Variants in MEMO1 observed in about 807,000 individuals in gnomAD.
MEMO1 encodes protein MEMO1.
A neutral mutation model predicts 45.2 loss-of-function variants in MEMO1; 6 were observed. That is an observed-to-expected ratio of 0.13 (90% CI 0.07 to 0.26). The LOEUF is 0.26. Ranked by LOEUF, MEMO1 falls within the 10% of genes least tolerant of loss-of-function variation. The pLI is 1.00. For synonymous variants in MEMO1, 78 were observed against 124.3 expected (o/e 0.63, Z 2.48); for missense variants, 184 against 370.5 (o/e 0.50, Z 4.13).
At chr2:31,958,633 GTGTTT>G (rs754785729) in intron 2 of MEMO1, among the ~76,000 whole-genome samples, 48 of 152,042 alleles carry the variant, frequency 3.2e-4, no homozygotes, top group Admixed American at 9.2e-4. Flanking sequence ...ACTGTGTGTG[GTGTTT>G]TGTTTTGTTT....
At chr2:31,946,924 C>CA (rs1666264892) in intron 2 of MEMO1, among the ~76,000 whole-genome samples, 1 of 152,186 alleles carries the variant, frequency 6.6e-6, no homozygotes. Flanking sequence ...CATTTTGTTA[C>CA]AACTGCCTGT....
intron 2 of MEMO1, among the ~76,000 whole-genome samples, chr2:31,976,225 ACTT>A (rs1669986671): frequency 6.6e-6 from 1 of 152,232 alleles, no homozygotes; most frequent in Non-Finnish European, 1.5e-5. Context: ...AAAAAGCTAA[ACTT>A]AAATGCTTTC....
intron 9 of MEMO1, among the ~76,000 whole-genome samples, chr2:31,869,389 A>T (rs2147861865): frequency 6.6e-6 from 1 of 152,248 alleles, no homozygotes; most frequent in Middle Eastern, 3.4e-3. Flanking sequence ...CCTTAACTGA[A>T]ATAAACATTA....
chr2:31,940,316 A>G (rs1260741612), intron 3 of MEMO1, among the ~76,000 whole-genome samples: 2 of 152,140 alleles, frequency 1.3e-5, no homozygotes, highest in Admixed American at 1.3e-4. Flanking sequence ...TTTGTACTCC[A>G]GATTCATATA....
intron 7 of MEMO1, among the ~76,000 whole-genome samples, chr2:31,888,907 G>A (rs572565783): frequency 1.3e-5 from 2 of 152,114 alleles, no homozygotes; most frequent in East Asian, 1.9e-4. Flanking sequence ...ACTTCAGTAC[G>A]TCTACCTTTA....
chr2:31,997,560 T>C (rs1262346484), intron 2 of MEMO1, among the ~76,000 whole-genome samples: 1 of 152,180 alleles, frequency 6.6e-6, no homozygotes, highest in African/African-American at 2.4e-5. Flanking sequence ...AATACAAATT[T>C]CCTTTCCTTG....
intron 2 of MEMO1, among the ~76,000 whole-genome samples, chr2:31,960,310 G>A (rs1418448159): frequency 6.6e-6 from 1 of 152,110 alleles, no homozygotes; most frequent in Non-Finnish European, 1.5e-5. Flanking sequence ...AATTAAAAAG[G>A]AGAATGATAA....
intron 2 of MEMO1, among the ~76,000 whole-genome samples, chr2:31,946,766 G>A (rs1424554677): frequency 6.6e-6 from 1 of 152,138 alleles, no homozygotes; most frequent in Non-Finnish European, 1.5e-5. Flanking sequence ...GGGAGGCTGA[G>A]GCACAGGAAT....
At chr2:31,874,980 G>A (rs1352663725) in intron 8 of MEMO1, among the ~76,000 whole-genome samples, 1 of 151,592 alleles carries the variant, frequency 6.6e-6, no homozygotes, top group Non-Finnish European at 1.5e-5. Flanking sequence ...AACCATACAC[G>A]GGTCTTATTA....
chr2:31,893,506 A>T (rs1220928952), intron 6 of MEMO1, among the ~76,000 whole-genome samples: 1 of 152,230 alleles, frequency 6.6e-6, no homozygotes, highest in African/African-American at 2.4e-5. Context: ...TACATAAAAA[A>T]ATACATTAAG....
intron 6 of MEMO1, among the ~76,000 whole-genome samples, chr2:31,900,697 A>G (rs1678657556): frequency 6.6e-6 from 1 of 152,078 alleles, no homozygotes; most frequent in Non-Finnish European, 1.5e-5. Flanking sequence ...AAAAAAAAAA[A>G]GTTGCTCAAC....
At chr2:31,923,328 C>T (rs1039236054) in intron 4 of MEMO1, among the ~76,000 whole-genome samples, 3 of 151,980 alleles carry the variant, frequency 2.0e-5, no homozygotes, top group Admixed American at 6.6e-5. Context: ...GTTTCTTGCT[C>T]GTTAATTTAA....
At chr2:31,909,932 T>A (rs1680308143) in intron 6 of MEMO1, among the ~76,000 whole-genome samples, 1 of 151,972 alleles carries the variant, frequency 6.6e-6, no homozygotes. Flanking sequence ...CACTTAGGTA[T>A]ATTATATTAA....
intron 6 of MEMO1, among the ~76,000 whole-genome samples, chr2:31,909,252 C>T (rs1361307047): frequency 6.6e-6 from 1 of 152,058 alleles, no homozygotes; most frequent in African/African-American, 2.4e-5. Context: ...TACTGGAAGA[C>T]CTAGCCAGAA....
chr2:31,900,645 C>T (rs1201929325), intron 6 of MEMO1, among the ~76,000 whole-genome samples: 1 of 151,376 alleles, frequency 6.6e-6, no homozygotes, highest in African/African-American at 2.4e-5. Flanking sequence ...CAAACCTGCA[C>T]GTTCTGCACT....
At chr2:31,898,132 T>G (rs1212570208) in intron 6 of MEMO1, among the ~76,000 whole-genome samples, 1 of 151,986 alleles carries the variant, frequency 6.6e-6, no homozygotes, top group Non-Finnish European at 1.5e-5. Context: ...TGGCTAGTGG[T>G]CTATCTGTTT....
At chr2:31,995,328 T>A (rs1672458173) in intron 2 of MEMO1, among the ~76,000 whole-genome samples, 1 of 151,972 alleles carries the variant, frequency 6.6e-6, no homozygotes, top group Non-Finnish European at 1.5e-5. Context: ...GGTGGGCACC[T>A]GTAATCCCAG....
chr2:31,968,007 G>C (rs1016385069), intron 2 of MEMO1, among the ~76,000 whole-genome samples: 5 of 152,142 alleles, frequency 3.3e-5, no homozygotes, highest in African/African-American at 1.2e-4. Flanking sequence ...TGATGGGTAA[G>C]CATTTTTCTG....
Position 31,969,715 on chromosome 2 carries a change from C to T in MEMO1, c.62-26332G>A, listed in dbSNP as rs139460423. ...ACCTCAAACTCCTGGAAACAAGCAACCCTCCCACCTCAGCCTCCCAAGCAC... is the reference window on the plus strand; with the variant it reads ...ACCTCAAACTCCTGGAAACAAGCAATCCTCCCACCTCAGCCTCCCAAGCAC... On this transcript the variant is annotated intron_variant, in intron 2 of 9. Coordinates refer to ENST00000404530, the MANE Select transcript of MEMO1 (RefSeq NM_001301833.4). Among the ~76,000 whole-genome samples the T allele has an allele frequency of 6.1e-3, 915 of 149,922 alleles. 7 individuals carry two copies. Among genetic ancestry groups the T allele is most frequent in the Admixed American group, 0.013 (192 of 14,940 alleles).
Sources: allele counts gnomAD v4.1 joint callset (sites outside exome capture counted in the v4.1 genomes callset), GRCh38; gene constraint gnomAD v4.1.1; transcripts MANE v1.5; gene names NCBI Gene and HGNC (gene_info 2026-07-23, HGNC 2026-07-21).